The following DENND1A variants were observed in gnomAD, a reference collection of about 807,000 sequenced individuals.
The protein encoded by DENND1A is DENN domain containing 1A.
A neutral mutation model predicts 113.7 loss-of-function variants in DENND1A; 51 were observed. That is an observed-to-expected ratio of 0.45 (90% CI 0.36 to 0.57). The LOEUF (loss-of-function observed/expected upper bound fraction) is 0.57. DENND1A is among the 20% of genes least tolerant of loss of function. DENND1A has a pLI of 0.00. For missense variants in DENND1A, 1,258 were observed against 1,395.9 expected, an observed-to-expected ratio of 0.90 and a Z score of 1.57; for synonymous variants, 565 against 570.8, an observed-to-expected ratio of 0.99 and a Z score of 0.14.
chr9:123,879,058 T>G, intron 1 of DENND1A, 37 bp from the exon 2 acceptor site: 1 of 1,601,090 alleles, frequency 6.2e-7, no homozygotes, highest in Non-Finnish European at 8.6e-7. Flanking sequence ...TGACAAAGAT[T>G]GAGGCAGCAT....
intron 16 of DENND1A, among the ~76,000 whole-genome samples, chr9:123,454,460 GCT>G (rs1219856300): frequency 1.3e-5 from 2 of 152,174 alleles, no homozygotes; most frequent in African/African-American, 4.8e-5. Flanking sequence ...CCCCCCGAAT[GCT>G]CTAAGACAGC....
intron 18 of DENND1A, among the ~76,000 whole-genome samples, chr9:123,450,463 G>C (rs2047638395): frequency 1.3e-5 from 2 of 152,242 alleles, no homozygotes; most frequent in Admixed American, 6.5e-5. Context: ...TGGCAACTCT[G>C]AACTTGCTTG....
chr9:123,799,175 A>G (rs1269668908), intron 2 of DENND1A, among the ~76,000 whole-genome samples: 2 of 152,218 alleles, frequency 1.3e-5, no homozygotes, highest in African/African-American at 4.8e-5. Context: ...CAAATATAAA[A>G]AAACTATTTG....
At chr9:123,689,077 T>G (rs942613038) in intron 5 of DENND1A, among the ~76,000 whole-genome samples, 2 of 152,166 alleles carry the variant, frequency 1.3e-5, no homozygotes, top group Non-Finnish European at 2.9e-5. Context: ...TAGGCTGGAG[T>G]GCAGTGGCGT....
intron 2 of DENND1A, among the ~76,000 whole-genome samples, chr9:123,852,652 G>A (rs1211153187): frequency 1.1e-4 from 16 of 152,110 alleles, no homozygotes; most frequent in African/African-American, 2.9e-4. Flanking sequence ...GCACTTATGC[G>A]ACGGGCCTCA....
chr9:123,696,679 A>G (rs1025838709), intron 5 of DENND1A, among the ~76,000 whole-genome samples: 2 of 152,240 alleles, frequency 1.3e-5, no homozygotes, highest in African/African-American at 2.4e-5. Context: ...ATTAGGAAGC[A>G]TTCCTAATGA....
At chr9:123,514,617 T>A (rs925054578) in intron 13 of DENND1A, among the ~76,000 whole-genome samples, 5 of 152,104 alleles carry the variant, frequency 3.3e-5, no homozygotes, top group Non-Finnish European at 7.4e-5. Flanking sequence ...GTTTTTCACT[T>A]TTGTAGAAAG....
chr9:123,697,099 T>A (rs533765738), intron 5 of DENND1A, among the ~76,000 whole-genome samples: 1 of 152,310 alleles, frequency 6.6e-6, no homozygotes, highest in South Asian at 2.1e-4. Flanking sequence ...ATGGTGAAGA[T>A]CCGCTTGCAG....
intron 1 of DENND1A, among the ~76,000 whole-genome samples, chr9:123,885,984 C>A (rs1340862708): frequency 6.6e-6 from 1 of 152,112 alleles, no homozygotes; most frequent in Non-Finnish European, 1.5e-5. Flanking sequence ...CACCATGTTG[C>A]CCAGGCTGGT....
At chr9:123,588,685 C>A (rs1352613732) in intron 11 of DENND1A, among the ~76,000 whole-genome samples, 1 of 151,124 alleles carries the variant, frequency 6.6e-6, no homozygotes, top group Non-Finnish European at 1.5e-5. Context: ...TTATCCCAGT[C>A]CCTCCATTTG....
At chr9:123,608,264 C>T (rs1159476074) in intron 11 of DENND1A, among the ~76,000 whole-genome samples, 2 of 152,264 alleles carry the variant, frequency 1.3e-5, no homozygotes, top group African/African-American at 2.4e-5. Flanking sequence ...ACAGGTTTTT[C>T]GATAACCAAC....
At chr9:123,819,146 A>G (rs1284173734) in intron 2 of DENND1A, among the ~76,000 whole-genome samples, 1 of 152,204 alleles carries the variant, frequency 6.6e-6, no homozygotes, top group Non-Finnish European at 1.5e-5. Context: ...AGTATTTAAC[A>G]ACAATCCACT....
intron 1 of DENND1A, among the ~76,000 whole-genome samples, chr9:123,891,343 G>A (rs961807398): frequency 1.2e-4 from 19 of 152,148 alleles, no homozygotes; most frequent in African/African-American, 3.4e-4. Context: ...ACAACGTAAC[G>A]TACACTATAC....
chr9:123,500,855 G>C (rs1259329588), intron 13 of DENND1A, among the ~76,000 whole-genome samples: 1 of 152,210 alleles, frequency 6.6e-6, no homozygotes, highest in African/African-American at 2.4e-5. Context: ...GCTCAACTTA[G>C]CTCAGAGTGC....
At position 123,729,450 on chromosome 9, in the gene DENND1A, T is replaced by C. The variant is rs2067996191; in HGVS notation, c.302+28253A>G. Among the ~76,000 whole-genome samples, 3 of 152,148 alleles carry C rather than the reference T, an allele frequency of 2.0e-5. No individual in the cohort carries two copies. In the South Asian group the frequency reaches 6.2e-4, roughly 32 times the overall value. ...AAAATCCACATGCAAAAACAAGCAT[T>C]CCTATATACCAATAATGGACAAACA... is the stretch of plus-strand genomic sequence containing the variant. On this transcript the variant is annotated intron_variant, in intron 5 of 23. Transcript: ENST00000394215.
intron 2 of DENND1A, among the ~76,000 whole-genome samples, chr9:123,798,923 A>C (rs1834184466): frequency 6.6e-6 from 1 of 152,136 alleles, no homozygotes; most frequent in Non-Finnish European, 1.5e-5. Context: ...GAGTTTTTTT[A>C]TGATTATAAT....
At chr9:123,463,684 C>A (rs1008999339) in intron 13 of DENND1A, among the ~76,000 whole-genome samples, 1 of 151,812 alleles carries the variant, frequency 6.6e-6, no homozygotes, top group Non-Finnish European at 1.5e-5. Context: ...CTGAGGTGGG[C>A]GGATCAACTG....
At chr9:123,896,956 A>G (rs1223747080) in intron 1 of DENND1A, among the ~76,000 whole-genome samples, 10 of 152,240 alleles carry the variant, frequency 6.6e-5, no homozygotes, top group Non-Finnish European at 2.9e-5. Flanking sequence ...ATCTCTTAAG[A>G]TTTCTACCTT....
At chr9:123,780,257 C>G (rs1831101441) in intron 3 of DENND1A, among the ~76,000 whole-genome samples, 1 of 152,128 alleles carries the variant, frequency 6.6e-6, no homozygotes, top group African/African-American at 2.4e-5. Flanking sequence ...AAGTTGACAC[C>G]CCAGAATCCT....
Sources: gnomAD v4.1 joint callset for allele counts (sites outside exome capture counted in the v4.1 genomes callset) on GRCh38, gnomAD v4.1.1 for gene constraint, MANE v1.5 for transcripts, NCBI Gene and HGNC (gene_info 2026-07-23, HGNC 2026-07-21) for gene names.